The following GOT2 variants were observed in gnomAD, a reference collection of about 807,000 sequenced individuals.
GOT2 encodes aspartate aminotransferase, mitochondrial.
Under a neutral mutation model 50.0 loss-of-function variants are expected in GOT2, and 17 were observed. The observed-to-expected ratio is 0.34, with a 90% CI of 0.23 to 0.51. The LOEUF (loss-of-function observed/expected upper bound fraction) is 0.51, where lower values mean the gene tolerates loss of function less well. Ranked by LOEUF, GOT2 falls within the 20% of genes least tolerant of loss-of-function variation. The probability of loss-of-function intolerance (pLI) is 0.97; values close to 1 mark genes in which losing one functional copy is unlikely to be tolerated. For synonymous variants in GOT2, 172 were observed against 204.9 expected (o/e 0.84, Z 1.37); for missense variants, 430 against 559.6 (o/e 0.77, Z 2.34).
intron 8 of GOT2, among the ~76,000 whole-genome samples, chr16:58,711,035 G>T (rs1412524471): frequency 6.9e-6 from 1 of 144,886 alleles, no homozygotes; most frequent in Non-Finnish European, 1.5e-5. Flanking sequence ...TAAGGTAAAA[G>T]CTGTGGGTTA....
At chr16:58,708,315 G>C (rs748695523) in intron 9 of GOT2, 22 bp from the exon 10 acceptor site, 9 of 1,611,606 alleles carry the variant, frequency 5.6e-6, no homozygotes, top group Non-Finnish European at 7.6e-6. Context: ...AAAGAACTTG[G>C]GTACCTCTTC....
chr16:58,715,384 C>A (rs1367074025), intron 8 of GOT2, among the ~76,000 whole-genome samples: 1 of 152,152 alleles, frequency 6.6e-6, no homozygotes, highest in East Asian at 1.9e-4. Flanking sequence ...CTGCCTCTTA[C>A]AGAGAAATAT....
chr16:58,723,608 A>C (rs1597703595), intron 2 of GOT2, 138 bp downstream of exon 2: 1 of 718,100 alleles, frequency 1.4e-6, no homozygotes, highest in Admixed American at 2.4e-5. Flanking sequence ...AGCCCAGAAA[A>C]CCCGGGTGAT....
intron 8 of GOT2, among the ~76,000 whole-genome samples, chr16:58,714,542 A>G (rs2152094304): frequency 7.0e-6 from 1 of 143,048 alleles, no homozygotes; most frequent in South Asian, 2.3e-4. Flanking sequence ...ACAGAGCGAG[A>G]CTCCGTCTCA....
intron 3 of GOT2, among the ~76,000 whole-genome samples, chr16:58,720,838 G>T (rs79285779): frequency 6.6e-6 from 1 of 152,038 alleles, no homozygotes; most frequent in South Asian, 2.1e-4. Context: ...CACCCGCCTT[G>T]GTCCCGGAAA....
At position 58,710,652 on chromosome 16, in the gene GOT2, C is replaced by T. The variant is rs1394516768; in HGVS notation, c.1020-1085G>A. Reference sequence around the variant, plus strand: ...ATCCCAGCACTTTGGGAGGCCCAGGCGGGCGGATCACGAGGTCAGGAGATC... The same window carrying T: ...ATCCCAGCACTTTGGGAGGCCCAGGTGGGCGGATCACGAGGTCAGGAGATC... On this transcript the variant is annotated intron_variant, in intron 8 of 9. Transcript: ENST00000245206. Among the ~76,000 whole-genome samples, 5 of 151,664 alleles carry T rather than the reference C, an allele frequency of 3.3e-5. 1 individual carries two copies. The East Asian group carries it at 5.8e-4, about 18-fold the overall frequency.
intron 2 of GOT2, 110 bp downstream of exon 2, chr16:58,723,636 G>T: frequency 1.1e-6 from 1 of 874,010 alleles, no homozygotes; most frequent in Non-Finnish European, 1.8e-6. Context: ...ATTAGTGCCA[G>T]AACTAAAGCC....
intron 8 of GOT2, among the ~76,000 whole-genome samples, chr16:58,710,348 T>C (rs2044636409): frequency 6.6e-6 from 1 of 151,864 alleles, no homozygotes; most frequent in African/African-American, 2.4e-5. Context: ...GCCTCCCAAG[T>C]AGCTGGGACC....
At chr16:58,731,788 A>G (rs1312184986) in intron 1 of GOT2, among the ~76,000 whole-genome samples, 1 of 152,266 alleles carries the variant, frequency 6.6e-6, no homozygotes, top group African/African-American at 2.4e-5. Flanking sequence ...GAATAACAAC[A>G]GACAAGGTTT....
chr16:58,710,660 T>C (rs968170296), intron 8 of GOT2, among the ~76,000 whole-genome samples: 30 of 151,550 alleles, frequency 2.0e-4, no homozygotes, highest in Admixed American at 4.6e-4. Context: ...GGCGGGCGGA[T>C]CACGAGGTCA....
chr16:58,734,026 C>T (rs200718965), intron 1 of GOT2, 114 bp downstream of exon 1: 2 of 454,488 alleles, frequency 4.4e-6, no homozygotes, highest in Non-Finnish European at 7.2e-6. Context: ...TGTGTGTGTG[C>T]GTGTGAGTGA....
intron 8 of GOT2, among the ~76,000 whole-genome samples, chr16:58,711,713 C>A (rs1465650875): frequency 6.6e-6 from 1 of 152,140 alleles, no homozygotes; most frequent in Non-Finnish European, 1.5e-5. Flanking sequence ...GAGCCCCTGG[C>A]CCCTCCAGTT....
chr16:58,716,402 G>A (rs1213269653), intron 7 of GOT2: 2 of 599,106 alleles, frequency 3.3e-6, no homozygotes, highest in African/African-American at 3.7e-5. Context: ...CTATCTTCTT[G>A]GCTCACGGAT....
chr16:58,729,291 A>C (rs2044813085), intron 1 of GOT2, among the ~76,000 whole-genome samples: 1 of 148,900 alleles, frequency 6.7e-6, no homozygotes, highest in African/African-American at 2.5e-5. Context: ...TTAACTGCCG[A>C]GTGAAAGGAA....
intron 6 of GOT2, among the ~76,000 whole-genome samples, chr16:58,717,695 T>C (rs1270714446): frequency 6.6e-6 from 1 of 152,184 alleles, no homozygotes; most frequent in East Asian, 1.9e-4. Flanking sequence ...TTATTTTCTT[T>C]TTTTCTTTTT....
chr16:58,712,841 G>T (rs1036823610), intron 8 of GOT2, among the ~76,000 whole-genome samples: 1 of 152,210 alleles, frequency 6.6e-6, no homozygotes, highest in South Asian at 2.1e-4. Context: ...TGGGCGCAGT[G>T]GTTCACGCCT....
At position 58,719,246 on chromosome 16, in the gene GOT2, C is replaced by G; in HGVS notation, c.385G>C (p.Val129Leu). ...EVLKSGRFVT[V>L]QTISGTGALR... ...GCTCCAGTTCCAGAAATGGTCTGCA[C>G]AGTGACAAACTGAAGGAGAGATACC... The change falls in exon 4 of 10, where the codon GTG becomes CTG. Residue 129 changes from valine (V) to leucine (L), a missense_variant. Physicochemically the swap from Val to Leu is conservative, Grantham distance 32. Coordinates refer to ENST00000245206, the MANE Select transcript of GOT2 (RefSeq NM_002080.4). 6 of 1,612,688 alleles carry G rather than the reference C, an allele frequency of 3.7e-6. No homozygotes were observed. Among genetic ancestry groups the G allele is most frequent in the Non-Finnish European group, 5.1e-6 (6 of 1,178,798 alleles).
chr16:58,731,036 C>G (rs925486467), intron 1 of GOT2, among the ~76,000 whole-genome samples: 1 of 151,936 alleles, frequency 6.6e-6, no homozygotes, highest in Non-Finnish European at 1.5e-5. Flanking sequence ...AGTTTTTAAA[C>G]TGCTTTTCCT....
At chr16:58,718,161 C>T in intron 6 of GOT2, 35 bp downstream of exon 6, 1 of 1,441,650 alleles carries the variant, frequency 6.9e-7, no homozygotes, top group Non-Finnish European at 9.8e-7. Context: ...GGTTACTAAA[C>T]ACAGAACTGT....
Sources: allele counts gnomAD v4.1 joint callset (sites outside exome capture counted in the v4.1 genomes callset), GRCh38; gene constraint gnomAD v4.1.1; transcripts MANE v1.5; gene names NCBI Gene and HGNC (gene_info 2026-07-23, HGNC 2026-07-21).